The following CFAP161 variants were observed in gnomAD, a reference collection of about 807,000 sequenced individuals.
The protein encoded by CFAP161 is cilia- and flagella-associated protein 161.
Under a neutral mutation model 29.0 loss-of-function variants are expected in CFAP161, and 25 were observed. The ratio of observed to expected loss-of-function variants is 0.86; its 90% CI spans 0.63 to 1.20. The LOEUF (loss-of-function observed/expected upper bound fraction) is 1.20. Ranked by LOEUF, CFAP161 falls within the 50% of genes most tolerant of loss-of-function variation. The pLI, the probability that CFAP161 is intolerant of heterozygous loss-of-function variation, is 0.00. For missense variants in CFAP161, 367 were observed against 371.9 expected, an observed-to-expected ratio of 0.99 and a Z score of 0.11; for synonymous variants, 116 against 137.4, an observed-to-expected ratio of 0.84 and a Z score of 1.09.
intron 3 of CFAP161, 22 bp from the exon 4 acceptor site, chr15:81,138,029 T>C (rs1158518260): frequency 3.3e-6 from 5 of 1,538,112 alleles, no homozygotes; most frequent in Non-Finnish European, 4.5e-6. Flanking sequence ...ACATTTACAT[T>C]ATACTTATTG....
chr15:81,109,571 G>A (rs970894318), intron 1 of CFAP161, among the ~76,000 whole-genome samples: 7 of 152,164 alleles, frequency 4.6e-5, no homozygotes, highest in Admixed American at 3.3e-4. Flanking sequence ...GGGTGTGGTG[G>A]TGTATGCCTG....
At chr15:81,140,058 TTCTC>T (rs1894880550) in intron 4 of CFAP161, among the ~76,000 whole-genome samples, 1 of 152,186 alleles carries the variant, frequency 6.6e-6, no homozygotes, top group Non-Finnish European at 1.5e-5. Context: ...TCTTTTTTCT[TTCTC>T]CCTCCCTCTC....
rs184149121 is a variant in CFAP161 at position 81,118,417 on chromosome 15, G to T, written c.-141-9173G>T. The T allele has an allele frequency of 2.2e-3, 458 of 210,114 alleles. 2 individuals carry two copies. The highest frequency in any genetic ancestry group is 0.01 in the African/African-American group (438 of 42,528). 13.0% of individuals were successfully genotyped at this position (210,114 alleles called of 1,614,324 possible). On this transcript the variant is annotated intron_variant, in intron 1 of 4. Transcript: ENST00000560091. ...AAACCTGATGGACGAATTCCCACAAGTTCGCGGCTTGTTAACCACAGCCAC... is the reference window on the plus strand; with the variant it reads ...AAACCTGATGGACGAATTCCCACAATTTCGCGGCTTGTTAACCACAGCCAC...
intron 5 of CFAP161, among the ~76,000 whole-genome samples, chr15:81,146,862 ATATATATATATATATATATATT>A (rs1895016481): frequency 9.6e-6 from 1 of 104,692 alleles, no homozygotes; most frequent in African/African-American, 4.1e-5. Context: ...ATATATATAT[ATATATATATATATATATATATT>A]TAAAAAGCTA....
At chr15:81,136,248 T>G (rs1428381397) in intron 2 of CFAP161, among the ~76,000 whole-genome samples, 1 of 152,256 alleles carries the variant, frequency 6.6e-6, no homozygotes, top group Non-Finnish European at 1.5e-5. Context: ...TAGTTGGTAA[T>G]CGACAAATTT....
intron 1 of CFAP161, among the ~76,000 whole-genome samples, chr15:81,125,757 T>C (rs1357641947): frequency 1.3e-5 from 2 of 152,324 alleles, no homozygotes; most frequent in Middle Eastern, 3.4e-3. Flanking sequence ...AATGTACATA[T>C]CCGTAACACA....
chr15:81,136,135 C>T (rs1894805212), intron 2 of CFAP161, among the ~76,000 whole-genome samples: 1 of 152,190 alleles, frequency 6.6e-6, no homozygotes, highest in East Asian at 1.9e-4. Flanking sequence ...TTAAATTCTT[C>T]TAAGATTTTA....
chr15:81,118,963 A>G (rs74381985), intron 1 of CFAP161, among the ~76,000 whole-genome samples: 6,811 of 152,332 alleles, frequency 0.045, 226 homozygotes, highest in Non-Finnish European at 0.065. Context: ...AAGGTTTTAA[A>G]TAAGAGTCGT....
upstream of CFAP161, among the ~76,000 whole-genome samples, chr15:81,133,269 G>A (rs1261340268): frequency 7.1e-6 from 1 of 141,684 alleles, no homozygotes; most frequent in Non-Finnish European, 1.5e-5. Context: ...ATGTTGCCCA[G>A]GCTGGTCTAG....
chr15:81,141,780 G>A (rs772011424), intron 4 of CFAP161, among the ~76,000 whole-genome samples: 1 of 151,842 alleles, frequency 6.6e-6, no homozygotes, highest in Non-Finnish European at 1.5e-5. Flanking sequence ...TGCCTCCCGG[G>A]TTCAAGCGAT....
At chr15:81,127,567 A>G (rs1419555589) in intron 1 of CFAP161, 1 of 152,214 alleles carries the variant, frequency 6.6e-6, no homozygotes, top group Admixed American at 6.5e-5. Context: ...AGAATGATGT[A>G]TGTTTTTTCT....
chr15:81,129,129 T>C (rs761793053), intron 2 of CFAP161, among the ~76,000 whole-genome samples: 26 of 150,312 alleles, frequency 1.7e-4, no homozygotes, highest in Non-Finnish European at 3.5e-4. Context: ...TAAACAGTAA[T>C]ATTTTGAAAG....
Position 81,125,545 on chromosome 15 carries a change from G to T in CFAP161, c.-141-2045G>T, listed in dbSNP as rs191092363. Reference sequence around the variant, plus strand: ...AGCAAAAATGCATACTGACAATTTTGAAGACATTTTTATTTTTATGTTATC... The same window carrying T: ...AGCAAAAATGCATACTGACAATTTTTAAGACATTTTTATTTTTATGTTATC... On this transcript the variant is annotated intron_variant, in intron 1 of 4. Transcript: ENST00000560091. Among the ~76,000 whole-genome samples the T allele has an allele frequency of 3.3e-5, 5 of 152,180 alleles. No individual in the cohort carries two copies. In the East Asian group the frequency reaches 9.7e-4, roughly 29 times the overall value.
chr15:81,100,777 A>C lies in CFAP161; in HGVS notation c.-141-26813A>C, dbSNP rs576321857. On this transcript the variant is annotated intron_variant, in intron 1 of 4. Transcript: ENST00000560091. Reference sequence around the variant, plus strand: ...GTTCTAGAACTCCTGGGTTCAGGCAATCCTCCTGCCTTGGCCTCCCAAAGT... The same window carrying C: ...GTTCTAGAACTCCTGGGTTCAGGCACTCCTCCTGCCTTGGCCTCCCAAAGT... 4.6e-5 allele frequency among the ~76,000 whole-genome samples: 7 copies of C among 151,382 alleles called. No homozygotes were observed. The East Asian group carries it at 7.8e-4, about 17-fold the overall frequency.
intron 1 of CFAP161, among the ~76,000 whole-genome samples, chr15:81,112,620 C>T (rs1894452219): frequency 6.6e-6 from 1 of 152,044 alleles, no homozygotes. Context: ...ATGAAAGACT[C>T]TTATATTTAG....
intron 1 of CFAP161, among the ~76,000 whole-genome samples, chr15:81,104,350 T>C (rs1332855193): frequency 6.6e-6 from 1 of 152,228 alleles, no homozygotes; most frequent in Non-Finnish European, 1.5e-5. Context: ...GGGAAGAGAC[T>C]AGAAAGCTGT....
chr15:81,143,611 C>A, intron 4 of CFAP161, 51 bp from the exon 5 acceptor site: 1 of 1,557,852 alleles, frequency 6.4e-7, no homozygotes, highest in Admixed American at 1.8e-5. Flanking sequence ...CTTTATTCTC[C>A]AGCTTTTCAC....
intron 1 of CFAP161, among the ~76,000 whole-genome samples, chr15:81,107,491 C>T (rs1182395042): frequency 6.6e-6 from 1 of 152,070 alleles, no homozygotes; most frequent in Non-Finnish European, 1.5e-5. Flanking sequence ...TTTGGGAGGC[C>T]GGGGTGGGCG....
At chr15:81,104,410 C>T (rs1260572085) in intron 1 of CFAP161, among the ~76,000 whole-genome samples, 2 of 152,170 alleles carry the variant, frequency 1.3e-5, no homozygotes, top group African/African-American at 2.4e-5. Context: ...TTACCCAGGT[C>T]GTCTGAACTG....
Sources: allele counts gnomAD v4.1 joint callset (sites outside exome capture counted in the v4.1 genomes callset), GRCh38; gene constraint gnomAD v4.1.1; transcripts MANE v1.5; gene names NCBI Gene and HGNC (gene_info 2026-07-23, HGNC 2026-07-21).